The following EFCAB11 variants were observed in gnomAD, a reference collection of about 807,000 sequenced individuals.
EFCAB11 encodes EF-hand calcium-binding domain-containing protein 11.
In EFCAB11, 14 loss-of-function variants were observed where a neutral mutation model predicts 23.0. The ratio of observed to expected loss-of-function variants is 0.61; its 90% confidence interval spans 0.40 to 0.95. The LOEUF (loss-of-function observed/expected upper bound fraction) is 0.95. EFCAB11 is among the 40% of genes least tolerant of loss of function. EFCAB11 has a pLI of 0.00. For missense variants in EFCAB11, 198 were observed against 195.8 expected (o/e 1.01, Z -0.07); for synonymous variants, 65 against 66.6 (o/e 0.98, Z 0.11).
chr14:89,882,547 T>C (rs1199765022), intron 5 of EFCAB11, among the ~76,000 whole-genome samples: 1 of 152,208 alleles, frequency 6.6e-6, no homozygotes, highest in East Asian at 1.9e-4. Flanking sequence ...TCTCTTTTTT[T>C]TCTCTCTCTA....
intron 2 of EFCAB11, chr14:89,952,698 G>C (rs1170970473): frequency 1.3e-6 from 1 of 786,208 alleles, no homozygotes; most frequent in Non-Finnish European, 1.5e-6. Flanking sequence ...AGGGCGGAGA[G>C]GCATGACATC....
chr14:89,844,984 A>G (rs1425178936), intron 5 of EFCAB11, among the ~76,000 whole-genome samples: 3 of 152,130 alleles, frequency 2.0e-5, no homozygotes, highest in African/African-American at 4.8e-5. Context: ...GGTTATAAGG[A>G]TTAGGTATTT....
At chr14:89,932,992 C>T (rs1291532553) in intron 3 of EFCAB11, among the ~76,000 whole-genome samples, 1 of 152,162 alleles carries the variant, frequency 6.6e-6, no homozygotes, top group East Asian at 1.9e-4. Flanking sequence ...ATTTTTGTTT[C>T]CTTATGCTTC....
At chr14:89,932,265 A>C (rs931058986) in intron 4 of EFCAB11, among the ~76,000 whole-genome samples, 2 of 152,202 alleles carry the variant, frequency 1.3e-5, no homozygotes, top group African/African-American at 4.8e-5. Flanking sequence ...CCCCAGGGCC[A>C]GTCCTTTTGC....
chr14:89,810,998 A>G (rs1439708552), intron 5 of EFCAB11, among the ~76,000 whole-genome samples: 7 of 152,102 alleles, frequency 4.6e-5, no homozygotes, highest in Admixed American at 4.6e-4. Flanking sequence ...AAGGAGTGAC[A>G]GAAGGTTCTA....
chr14:89,936,206 AT>A (rs1459258043), intron 3 of EFCAB11, among the ~76,000 whole-genome samples: 1 of 152,230 alleles, frequency 6.6e-6, no homozygotes, highest in Non-Finnish European at 1.5e-5. Flanking sequence ...TGCTCTTATC[AT>A]TGCATTTGAC....
At chr14:89,928,240 A>G (rs1890256573) in intron 5 of EFCAB11, among the ~76,000 whole-genome samples, 1 of 152,170 alleles carries the variant, frequency 6.6e-6, no homozygotes, top group Non-Finnish European at 1.5e-5. Flanking sequence ...CACATATGTT[A>G]TTATATTAAT....
chr14:89,914,046 CT>C (rs1889761091), intron 5 of EFCAB11, among the ~76,000 whole-genome samples: 1 of 152,170 alleles, frequency 6.6e-6, no homozygotes, highest in Admixed American at 6.5e-5. Flanking sequence ...GTTGCTACAC[CT>C]GTCAGCAACC....
intron 5 of EFCAB11, among the ~76,000 whole-genome samples, chr14:89,818,400 T>C (rs1416475618): frequency 6.7e-6 from 1 of 149,376 alleles, no homozygotes; most frequent in Non-Finnish European, 1.5e-5. Context: ...AGACAACAAG[T>C]AAGTAGAACT....
chr14:89,874,749 G>A (rs191367274), intron 5 of EFCAB11, among the ~76,000 whole-genome samples: 46 of 152,206 alleles, frequency 3.0e-4, no homozygotes, highest in Non-Finnish European at 5.3e-4. Flanking sequence ...AAAATTAGCC[G>A]GGCGCCGTGG....
At chr14:89,950,766 T>C (rs1891139478) in intron 2 of EFCAB11, among the ~76,000 whole-genome samples, 1 of 152,128 alleles carries the variant, frequency 6.6e-6, no homozygotes, top group South Asian at 2.1e-4. Context: ...AACGTTATAG[T>C]ATTAGAGCCT....
chr14:89,938,816 A>G (rs111311830), intron 3 of EFCAB11, among the ~76,000 whole-genome samples: 14,232 of 151,834 alleles, frequency 0.094, 1,721 homozygotes, highest in African/African-American at 0.28. Context: ...CCAGCTACTC[A>G]GGAGGCTGAG....
intron 5 of EFCAB11, among the ~76,000 whole-genome samples, chr14:89,884,235 T>C (rs1405186341): frequency 1.3e-5 from 2 of 152,200 alleles, no homozygotes; most frequent in African/African-American, 4.8e-5. Flanking sequence ...TAGTTCTATT[T>C]TTACTATTGG....
chr14:89,823,547 G>C (rs775761247), intron 5 of EFCAB11, among the ~76,000 whole-genome samples: 2 of 152,126 alleles, frequency 1.3e-5, no homozygotes, highest in Non-Finnish European at 2.9e-5. Context: ...ATAATACTCA[G>C]AATCCAATCA....
At chr14:89,898,299 A>C (rs1889233253) in intron 5 of EFCAB11, among the ~76,000 whole-genome samples, 1 of 152,138 alleles carries the variant, frequency 6.6e-6, no homozygotes, top group African/African-American at 2.4e-5. Context: ...TGACCCTACA[A>C]GAAACTGTTC....
chr14:89,799,531 C>T (rs1318530020), intron 5 of EFCAB11: 6 of 152,144 alleles, frequency 3.9e-5, no homozygotes, highest in African/African-American at 1.4e-4. Flanking sequence ...GAAATGTCAT[C>T]AGGTTAAAAA....
intron 5 of EFCAB11, among the ~76,000 whole-genome samples, chr14:89,805,871 A>C (rs1187886657): frequency 1.3e-5 from 2 of 152,210 alleles, no homozygotes; most frequent in Non-Finnish European, 2.9e-5. Flanking sequence ...GACAGCAGAT[A>C]CTCAATGAAC....
intron 5 of EFCAB11, among the ~76,000 whole-genome samples, chr14:89,900,821 CT>C (rs1445994605): frequency 1.3e-5 from 2 of 152,084 alleles, no homozygotes; most frequent in African/African-American, 2.4e-5. Flanking sequence ...TAAATTATTG[CT>C]TTTTTTCTTT....
Position 89,797,029 on chromosome 14 carries a change from G to A in EFCAB11, c.*214C>T, listed in dbSNP as rs1420761406. ...TCCAAAAATTATGATTAAAAATTTA[G>A]TCAATTACTTATTGCATGCCTGTGC... On this transcript the variant is annotated 3_prime_UTR_variant, in exon 6 of 6. Transcript: ENST00000316738. The A allele has an allele frequency of 6.9e-6, 2 of 289,460 alleles. No homozygotes were observed. The highest frequency in any genetic ancestry group is 1.3e-5 in the Non-Finnish European group (2 of 154,754). The allele number at this position is 289,460 out of a possible 1,614,324, so 17.9% of individuals were successfully genotyped here.
Sources: gnomAD v4.1 joint callset for allele counts (sites outside exome capture counted in the v4.1 genomes callset) on GRCh38, gnomAD v4.1.1 for gene constraint, MANE v1.5 for transcripts, NCBI Gene and HGNC (gene_info 2026-07-23, HGNC 2026-07-21) for gene names.